ANKRD13C: variants seen among roughly 807,000 people sequenced by gnomAD.
ANKRD13C encodes ankyrin repeat domain-containing protein 13C.
In ANKRD13C, 16 loss-of-function variants were observed where a neutral mutation model predicts 65.5. The observed-to-expected ratio is 0.24, with a 90% CI of 0.17 to 0.37. The LOEUF (loss-of-function observed/expected upper bound fraction) is 0.37, where lower values mean the gene tolerates loss of function less well. Ranked by LOEUF, ANKRD13C falls within the 10% of genes least tolerant of loss-of-function variation. The probability of loss-of-function intolerance (pLI) is 1.00; values close to 1 mark genes in which losing one functional copy is unlikely to be tolerated. For synonymous variants in ANKRD13C, 235 were observed against 238.7 expected (o/e 0.98, Z 0.14); for missense variants, 503 against 655.9 (o/e 0.77, Z 2.55).
At chr1:70,312,575 A>C (rs575395630) in intron 5 of ANKRD13C, among the ~76,000 whole-genome samples, 1 of 151,892 alleles carries the variant, frequency 6.6e-6, no homozygotes, top group East Asian at 1.9e-4. Context: ...CAAAATTCCT[A>C]TTCTACTGAC....
chr1:70,265,824 CAAAAAAAAAAAAAA>C (rs775757290), intron 12 of ANKRD13C, among the ~76,000 whole-genome samples: 4 of 35,442 alleles, frequency 1.1e-4, no homozygotes, highest in Admixed American at 3.7e-4. Flanking sequence ...GACCTTGCCT[CAAAAAAAAAAAAAA>C]AAAAAAAAAA....
At chr1:70,331,026 T>C (rs575424696) in intron 2 of ANKRD13C, among the ~76,000 whole-genome samples, 11 of 152,246 alleles carry the variant, frequency 7.2e-5, no homozygotes, top group South Asian at 4.1e-4. Context: ...AAACTAACGT[T>C]ATTCAGTAGG....
At chr1:70,331,871 T>C (rs2101574179) in intron 2 of ANKRD13C, among the ~76,000 whole-genome samples, 1 of 151,434 alleles carries the variant, frequency 6.6e-6, no homozygotes, top group Non-Finnish European at 1.5e-5. Flanking sequence ...GTAGATGTTT[T>C]ACTTTCCACT....
intron 9 of ANKRD13C, among the ~76,000 whole-genome samples, chr1:70,289,710 T>C (rs1679777270): frequency 6.6e-6 from 1 of 151,334 alleles, no homozygotes; most frequent in African/African-American, 2.4e-5. Flanking sequence ...TCTCCTGACC[T>C]CGTGATCCAC....
chr1:70,266,163 C>A (rs1678622870), intron 12 of ANKRD13C, among the ~76,000 whole-genome samples: 1 of 152,154 alleles, frequency 6.6e-6, no homozygotes, highest in African/African-American at 2.4e-5. Context: ...CTTCTGTAGT[C>A]CCTGGCATCC....
chr1:70,292,937 T>C (rs972009854), intron 8 of ANKRD13C, among the ~76,000 whole-genome samples: 1 of 152,154 alleles, frequency 6.6e-6, no homozygotes, highest in Non-Finnish European at 1.5e-5. Context: ...GGGTCAGGGA[T>C]AACACTGTTC....
chr1:70,268,354 G>A (rs2101108463), intron 12 of ANKRD13C, among the ~76,000 whole-genome samples: 1 of 152,256 alleles, frequency 6.6e-6, no homozygotes, highest in Non-Finnish European at 1.5e-5. Context: ...TAGAGACAGA[G>A]TTTCACCAAG....
chr1:70,332,712 C>T (rs570793493), intron 2 of ANKRD13C, among the ~76,000 whole-genome samples: 4 of 152,156 alleles, frequency 2.6e-5, no homozygotes, highest in South Asian at 4.1e-4. Flanking sequence ...GTGATCTGCC[C>T]GCCTCGGCCT....
At chr1:70,295,785 T>C (rs1358051583) in intron 8 of ANKRD13C, among the ~76,000 whole-genome samples, 1 of 152,154 alleles carries the variant, frequency 6.6e-6, no homozygotes, top group East Asian at 1.9e-4. Context: ...TTCAGGGAAA[T>C]AGAGTCAAGT....
intron 1 of ANKRD13C, among the ~76,000 whole-genome samples, chr1:70,343,657 T>A (rs1682405470): frequency 6.6e-6 from 1 of 152,084 alleles, no homozygotes; most frequent in East Asian, 1.9e-4. Flanking sequence ...CTCAGCCTCC[T>A]GACTAGCTGG....
chr1:70,343,619 G>A (rs769356040), intron 1 of ANKRD13C, among the ~76,000 whole-genome samples: 11 of 152,080 alleles, frequency 7.2e-5, no homozygotes, highest in African/African-American at 2.4e-4. Flanking sequence ...ATGCCATCTC[G>A]GCTCACTGCA....
At chr1:70,334,483 C>T (rs543309230) in intron 2 of ANKRD13C, among the ~76,000 whole-genome samples, 3 of 151,270 alleles carry the variant, frequency 2.0e-5, no homozygotes, top group Admixed American at 6.6e-5. Flanking sequence ...AAAAATTAGC[C>T]GGGCATGGTG....
At chr1:70,302,364 C>T (rs935955275) in intron 6 of ANKRD13C, among the ~76,000 whole-genome samples, 9 of 152,106 alleles carry the variant, frequency 5.9e-5, no homozygotes, top group African/African-American at 2.2e-4. Flanking sequence ...TTTTAGTCCA[C>T]TCCCAGAAGC....
In ANKRD13C at chr1:70,260,985, T is replaced by C. The variant is rs139952550; in HGVS notation, c.*1732A>G. On this transcript the variant is annotated 3_prime_UTR_variant, in exon 13 of 13. Transcript: ENST00000370944. ...CAACAGTGATCACTGCCTTTCAGTG[T>C]CTCCAACCCCATGTAACCACTGATA... 5.8e-4 allele frequency: 89 copies of C among 152,210 alleles called. No homozygotes were observed. The highest frequency in any genetic ancestry group is 2.1e-3 in the African/African-American group (87 of 41,560). 9.4% of individuals were successfully genotyped at this position (152,210 alleles called of 1,614,324 possible). A position where few individuals can be genotyped will look rare whatever the true frequency, so the allele number is the denominator to read the frequency against.
chr1:70,291,739 G>A (rs1041839701), intron 9 of ANKRD13C, among the ~76,000 whole-genome samples: 7 of 152,076 alleles, frequency 4.6e-5, no homozygotes, highest in South Asian at 2.1e-4. Flanking sequence ...CCTGGGAGGC[G>A]GAAGTTGCAG....
At chr1:70,334,990 T>G (rs1418367686) in intron 2 of ANKRD13C, among the ~76,000 whole-genome samples, 2 of 152,148 alleles carry the variant, frequency 1.3e-5, no homozygotes, top group Non-Finnish European at 2.9e-5. Context: ...ATGTTTACAC[T>G]GACAGATACA....
chr1:70,346,953 G>A (rs1682552905), intron 1 of ANKRD13C, among the ~76,000 whole-genome samples: 1 of 151,920 alleles, frequency 6.6e-6, no homozygotes, highest in South Asian at 2.1e-4. Flanking sequence ...CTAGCCGGGC[G>A]TGGTGGCGGG....
In ANKRD13C at chr1:70,271,503, C is replaced by A. The variant is rs577290938; in HGVS notation, c.1395-547G>T. ...GCATTTTTCTTTGAAAAAAGTCCTA[C>A]GACTGCTACGTTTCTTGAATTCTTT... is the stretch of plus-strand genomic sequence containing the variant. On this transcript the variant is annotated intron_variant, in intron 11 of 12. Transcript: ENST00000370944. Among the ~76,000 whole-genome samples, 17 of 152,222 alleles carry A rather than the reference C, an allele frequency of 1.1e-4. No homozygotes were observed. The South Asian group carries it at 2.5e-3, about 22-fold the overall frequency.
At chr1:70,277,719 C>A (rs1021174256) in intron 9 of ANKRD13C, among the ~76,000 whole-genome samples, 20 of 152,000 alleles carry the variant, frequency 1.3e-4, no homozygotes, top group African/African-American at 4.8e-4. Context: ...GTAAAAAACA[C>A]AAGAAGACTG....
Sources: gnomAD v4.1 joint callset for allele counts (sites outside exome capture counted in the v4.1 genomes callset) on GRCh38, gnomAD v4.1.1 for gene constraint, MANE v1.5 for transcripts, NCBI Gene and HGNC (gene_info 2026-07-23, HGNC 2026-07-21) for gene names.